The following MTERF4 variants were observed in gnomAD, a reference collection of about 807,000 sequenced individuals.
MTERF4 encodes the protein transcription termination factor 4, mitochondrial.
In MTERF4, 17 loss-of-function variants were observed where a neutral mutation model predicts 22.5. The observed-to-expected ratio is 0.75, with a 90% CI of 0.52 to 1.13. MTERF4 has a LOEUF of 1.13. Among genes scored for constraint, MTERF4 ranks in the 50% most tolerant of loss-of-function variants. The pLI is 0.00. For synonymous variants in MTERF4, 165 were observed against 175.3 expected, an observed-to-expected ratio of 0.94 and a Z score of 0.47; for missense variants, 420 against 466.8, an observed-to-expected ratio of 0.90 and a Z score of 0.92.
chr2:241,100,471 T>C (rs2064653464), intron 1 of MTERF4, among the ~76,000 whole-genome samples: 1 of 152,128 alleles, frequency 6.6e-6, no homozygotes, highest in Admixed American at 6.5e-5. Context: ...GGATTTTCTT[T>C]TTGTTTTTTG....
At chr2:241,068,876 A>G, downstream of MTERF4, 1 of 1,419,434 alleles carries the variant, frequency 7.0e-7, no homozygotes, top group Non-Finnish European at 9.7e-7. This position sits in a 1 kb window ranked among gnomAD's most constrained non-coding sequence, Gnocchi z 5.3. Flanking sequence ...GGTCCCAGAC[A>G]TCCCTGTTCT....
downstream of MTERF4, among the ~76,000 whole-genome samples, chr2:241,083,690 A>G (rs1300940976): frequency 6.6e-6 from 1 of 152,204 alleles, no homozygotes; most frequent in African/African-American, 2.4e-5. Flanking sequence ...GGTGACCACC[A>G]AGTATCCAAC....
chr2:241,071,388 TG>T (rs2062706694), downstream of MTERF4: 1 of 638,316 alleles, frequency 1.6e-6, no homozygotes, highest in Non-Finnish European at 2.7e-6. Flanking sequence ...ATGCGGCGGG[TG>T]GGCTGGAAGG....
chr2:241,091,075 C>T (rs2063943327), downstream of MTERF4, among the ~76,000 whole-genome samples: 2 of 152,106 alleles, frequency 1.3e-5, no homozygotes. The surrounding 1 kb of genome is among the most constrained non-coding windows in gnomAD (Gnocchi z 4.1). Context: ...TTTTTAAATG[C>T]TTGCCTAGCA....
downstream of MTERF4, chr2:241,094,578 C>T (rs988860992): frequency 4.2e-5 from 15 of 360,472 alleles, no homozygotes; most frequent in South Asian, 8.5e-5. The surrounding 1 kb of genome is among the most constrained non-coding windows in gnomAD (Gnocchi z 4.3). Context: ...TAAAATAATA[C>T]GATCCTAAGT....
the MTERF4 span, among the ~76,000 whole-genome samples, chr2:241,051,024 G>C: frequency 6.6e-6 from 1 of 152,238 alleles, no homozygotes; most frequent in Non-Finnish European, 1.5e-5. This position sits in a 1 kb window ranked among gnomAD's most constrained non-coding sequence, Gnocchi z 4.7. Flanking sequence ...AAGGATGGCT[G>C]TCCTCAGGGG....
chr2:241,071,979 G>T, downstream of MTERF4: 1 of 1,015,510 alleles, frequency 9.8e-7, no homozygotes, highest in South Asian at 1.4e-5. Flanking sequence ...CACCCCCACC[G>T]CCAGCGCAGT....
the MTERF4 span, chr2:241,048,561 A>G: frequency 2.0e-5 from 30 of 1,496,516 alleles, no homozygotes; most frequent in Non-Finnish European, 2.6e-5. Context: ...CGTCCACTGC[A>G]ATTTGTATGG....
At position 241,095,808 on chromosome 2, in the gene MTERF4, T is replaced by G; in HGVS notation, c.*190A>C. Reference sequence around the variant, plus strand: ...CAGACACGTGACAACAGATCAAACATGCATTTCCTGTTTCCTGTTTGGTTT... The same window carrying G: ...CAGACACGTGACAACAGATCAAACAGGCATTTCCTGTTTCCTGTTTGGTTT... On this transcript the variant is annotated 3_prime_UTR_variant, in exon 4 of 4. Transcript: ENST00000391980. 1.0e-6 allele frequency: 1 copy of G among 1,002,688 alleles called. No homozygotes were observed. Among genetic ancestry groups the G allele is most frequent in the Non-Finnish European group, 1.5e-6 (1 of 685,358 alleles). The allele number at this position is 1,002,688 out of a possible 1,614,324, so 62.1% of individuals were successfully genotyped here. A position where few individuals can be genotyped will look rare whatever the true frequency, so the allele number is the denominator to read the frequency against.
downstream of MTERF4, chr2:241,071,468 C>T: frequency 3.0e-6 from 4 of 1,332,684 alleles, no homozygotes; most frequent in Non-Finnish European, 4.1e-6. Flanking sequence ...GCCCCCCTTC[C>T]CTTCTCCAAG....
chr2:241,054,205 TGCCAGAAGATGAGAA>T, the MTERF4 span, among the ~76,000 whole-genome samples: 2 of 152,122 alleles, frequency 1.3e-5, no homozygotes, highest in Non-Finnish European at 2.9e-5. Flanking sequence ...ACCTATATGT[TGCCAGAAGATGAGAA>T]GCCGATATCC....
downstream of MTERF4, chr2:241,070,191 C>A (rs780712708): frequency 1.9e-6 from 3 of 1,605,572 alleles, no homozygotes; most frequent in Non-Finnish European, 2.5e-6. Flanking sequence ...CCCACCTCTA[C>A]ATCATCACCT....
chr2:241,048,978 A>C, the MTERF4 span: 8 of 1,522,668 alleles, frequency 5.3e-6, no homozygotes, highest in African/African-American at 4.1e-5. Flanking sequence ...GGTCTGCTGG[A>C]AGACATGTGG....
At chr2:241,072,303 A>C in exon 5 of MTERF4, 1 of 438,916 alleles carries the variant, frequency 2.3e-6, no homozygotes, top group Non-Finnish European at 4.6e-6. Context: ...TGTCCTGGCA[A>C]GATCTTCCCG....
At chr2:241,048,335 G>A in the MTERF4 span, 137 of 1,608,534 alleles carry the variant, frequency 8.5e-5, no homozygotes, top group Non-Finnish European at 1.1e-4. Flanking sequence ...AGTGCCAGAC[G>A]CCTGCCTCTC....
At chr2:241,074,104 T>C (rs75959408) in exon 5 of MTERF4, 2,446 of 152,316 alleles carry the variant, frequency 0.016, 65 homozygotes, top group African/African-American at 0.055. Flanking sequence ...TAGACTCAGA[T>C]TGGGATCACC....
rs2064440190 is a variant in MTERF4 at position 241,096,635 on chromosome 2, A to G, written c.706-197T>C. 2.8e-6 allele frequency: 2 copies of G among 719,786 alleles called. No individual in the cohort carries two copies. Among genetic ancestry groups the G allele is most frequent in the African/African-American group, 1.7e-5 (1 of 57,440 alleles). 44.6% of individuals were successfully genotyped at this position (719,786 alleles called of 1,614,324 possible). A position where few individuals can be genotyped will look rare whatever the true frequency, so the allele number is the denominator to read the frequency against. On this transcript the variant is annotated intron_variant, in intron 3 of 3. Coordinates refer to ENST00000391980, the MANE Select transcript of MTERF4 (RefSeq NM_182501.4). The surrounding 1 kb of genome is among the most constrained non-coding windows in gnomAD (Gnocchi z 5.1). Reference sequence around the variant, plus strand: ...AAACACTTTCAAATTCATCCTGAGAAACATGGAGCAGGAAATAAAGGGGTG... The same window carrying G: ...AAACACTTTCAAATTCATCCTGAGAGACATGGAGCAGGAAATAAAGGGGTG...
chr2:241,078,266 C>A lies in MTERF4; in HGVS notation n.480-2584G>T, dbSNP rs538573440. On this transcript the variant is annotated intron_variant and non_coding_transcript_variant, in intron 4 of 4. Transcript: ENST00000464344. ...GGCGTGGTGGCGGGCGCCTGTAGTCCCAGCTCCTCAGGAGGCTGAGGCAGG... is the reference window on the plus strand; with the variant it reads ...GGCGTGGTGGCGGGCGCCTGTAGTCACAGCTCCTCAGGAGGCTGAGGCAGG... 3.3e-5 allele frequency among the ~76,000 whole-genome samples: 5 copies of A among 151,518 alleles called. No homozygotes were observed. The South Asian group carries it at 1.0e-3, about 32-fold the overall frequency.
downstream of MTERF4, chr2:241,067,654 G>A (rs2062516481): frequency 6.1e-6 from 5 of 824,920 alleles, no homozygotes; most frequent in African/African-American, 1.7e-5. Flanking sequence ...CCTCTCCAGT[G>A]CCTCTCTGTG....
Sources: gnomAD v4.1 joint callset for allele counts (sites outside exome capture counted in the v4.1 genomes callset) on GRCh38, gnomAD v4.1.1 for gene constraint, Gnocchi (gnomAD v3.1) non-coding constraint, MANE v1.5 for transcripts, NCBI Gene and HGNC (gene_info 2026-07-23, HGNC 2026-07-21) for gene names.